The following TEN1 variants were observed in gnomAD, a reference collection of about 807,000 sequenced individuals.
The protein encoded by TEN1 is CST complex subunit TEN1.
A neutral mutation model predicts 9.3 loss-of-function variants in TEN1; 6 were observed. The ratio of observed to expected loss-of-function variants is 0.65; its 90% CI spans 0.35 to 1.27. The LOEUF (loss-of-function observed/expected upper bound fraction) is 1.27. Among genes scored for constraint, TEN1 ranks in the 50% most tolerant of loss-of-function variants. The pLI is 0.03. For missense variants in TEN1, 149 were observed against 158.2 expected (o/e 0.94, Z 0.31); for synonymous variants, 65 against 65.6 (o/e 0.99, Z 0.04).
chr17:75,992,240 A>AATTTTTT (rs2066190546), intron 3 of TEN1, among the ~76,000 whole-genome samples: 1 of 140,562 alleles, frequency 7.1e-6, no homozygotes. Flanking sequence ...TTTTTTTTTT[A>AATTTTTT]GTTTTTTTGA....
chr17:75,994,348 C>T (rs995501215), intron 3 of TEN1, among the ~76,000 whole-genome samples: 6 of 150,232 alleles, frequency 4.0e-5, no homozygotes, highest in African/African-American at 7.3e-5. Context: ...GCAGGAGAAT[C>T]GCTTGAACCC....
Position 75,994,100 on chromosome 17 carries a change from T to C in TEN1, c.250+2477T>C, listed in dbSNP as rs770977447. Among the ~76,000 whole-genome samples, 163 of 152,060 alleles carry C rather than the reference T, an allele frequency of 1.1e-3. 2 individuals are homozygous for C. The highest frequency in any genetic ancestry group is 6.3e-4 in the Non-Finnish European group (43 of 67,978). Reference sequence around the variant, plus strand: ...GGCACTGGCTAGTTTAGTACTCTTATAATTTGCATCACAACCTGTTTTTTG... The same window carrying C: ...GGCACTGGCTAGTTTAGTACTCTTACAATTTGCATCACAACCTGTTTTTTG... On this transcript the variant is annotated intron_variant, in intron 3 of 3. Coordinates refer to ENST00000397640, the MANE Select transcript of TEN1 (RefSeq NM_001113324.3).
chr17:75,990,869 A>C (rs1041643836), intron 2 of TEN1, among the ~76,000 whole-genome samples: 13 of 150,620 alleles, frequency 8.6e-5, no homozygotes, highest in African/African-American at 2.2e-4. Flanking sequence ...GAAAAAAATG[A>C]TCAGGTGTGG....
chr17:75,985,018 T>A (rs1422005278), intron 1 of TEN1: 2 of 151,934 alleles, frequency 1.3e-5, no homozygotes, highest in Non-Finnish European at 2.9e-5. Flanking sequence ...CCAAGGTGGG[T>A]AGATCATCTG....
At chr17:75,988,780 GT>G (rs1009843211) in intron 2 of TEN1, among the ~76,000 whole-genome samples, 3 of 149,584 alleles carry the variant, frequency 2.0e-5, no homozygotes, top group East Asian at 3.9e-4. Context: ...CAAGTCTTTT[GT>G]TTTTTTTTGA....
Position 76,000,380 on chromosome 17 carries a change from CG to C in TEN1, c.*119del, listed in dbSNP as rs2066247631. 7.2e-7 allele frequency: 1 copy of C among 1,386,616 alleles called. No homozygotes were observed. Among genetic ancestry groups the C allele is most frequent in the Non-Finnish European group, 9.5e-7 (1 of 1,049,712 alleles). The allele number at this position is 1,386,616 out of a possible 1,614,324, so 85.9% of individuals were successfully genotyped here. On this transcript the variant is annotated 3_prime_UTR_variant, in exon 4 of 4. Coordinates refer to ENST00000397640, the MANE Select transcript of TEN1 (RefSeq NM_001113324.3). This position sits in a 1 kb window ranked among gnomAD's most constrained non-coding sequence, Gnocchi z 5.9. ...ACGGCCTTGTCTGGAGCTCGAAAGCCGAGGGGCGGGTGATGAATCCAGCCCC... is the reference window on the plus strand; with the variant it reads ...ACGGCCTTGTCTGGAGCTCGAAAGCCAGGGGCGGGTGATGAATCCAGCCCC...
intron 3 of TEN1, among the ~76,000 whole-genome samples, chr17:75,999,436 G>C (rs779151930): frequency 1.4e-4 from 21 of 151,984 alleles, no homozygotes; most frequent in Non-Finnish European, 2.2e-4. Flanking sequence ...TCCACCTCCT[G>C]GGTTCAAGCA....
chr17:75,998,000 C>T (rs1358050004), intron 3 of TEN1, among the ~76,000 whole-genome samples: 4 of 151,456 alleles, frequency 2.6e-5, no homozygotes, highest in African/African-American at 4.9e-5. Flanking sequence ...TACAGGTGCC[C>T]GCCACCACAC....
chr17:75,991,416 T>G (rs1006213800), intron 2 of TEN1, 50 bp from the exon 3 acceptor site: 21 of 1,539,486 alleles, frequency 1.4e-5, no homozygotes, highest in Non-Finnish European at 1.8e-5. Context: ...TTGAGCGTGG[T>G]GGTGATTCTA....
chr17:75,988,698 T>C (rs1223315110), intron 2 of TEN1, among the ~76,000 whole-genome samples: 1 of 152,064 alleles, frequency 6.6e-6, no homozygotes, highest in Non-Finnish European at 1.5e-5. Flanking sequence ...ATCTCAGACA[T>C]GTAGATCTAT....
At chr17:75,985,769 C>T (rs983445778) in intron 1 of TEN1, among the ~76,000 whole-genome samples, 1 of 152,024 alleles carries the variant, frequency 6.6e-6, no homozygotes, top group South Asian at 2.1e-4. Context: ...GGTGATCCGC[C>T]CGCCTCAGCC....
At chr17:75,989,858 C>T (rs2066174709) in intron 2 of TEN1, among the ~76,000 whole-genome samples, 1 of 151,946 alleles carries the variant, frequency 6.6e-6, no homozygotes, top group Non-Finnish European at 1.5e-5. Flanking sequence ...CTTGACCCCT[C>T]AGCCTCCCAA....
intron 3 of TEN1, among the ~76,000 whole-genome samples, chr17:75,996,551 A>G: frequency 6.6e-6 from 1 of 151,702 alleles, no homozygotes; most frequent in East Asian, 1.9e-4. Context: ...CAAAAAATGC[A>G]AAAATTAGCA....
rs1182442464 is a variant in TEN1, at chr17:75,979,780, C to T, written c.-7+269C>T. Reference sequence around the variant, plus strand: ...GAACCAGTCTCTTTGGGGAGAGGCTCCAGTTACCTTTTGTTAAGATAATGG... The same window carrying T: ...GAACCAGTCTCTTTGGGGAGAGGCTTCAGTTACCTTTTGTTAAGATAATGG... On this transcript the variant is annotated intron_variant, in intron 1 of 3. Transcript: ENST00000397640. Among the ~76,000 whole-genome samples the T allele has an allele frequency of 2.0e-5, 3 of 151,780 alleles. No individual in the cohort carries two copies. The East Asian group carries it at 5.8e-4, about 29-fold the overall frequency.
chr17:75,983,290 A>G (rs1215070254), intron 1 of TEN1, among the ~76,000 whole-genome samples: 2 of 152,106 alleles, frequency 1.3e-5, no homozygotes, highest in Non-Finnish European at 2.9e-5. Flanking sequence ...CAAAAAAGAA[A>G]GAAAGAAAGA....
intron 2 of TEN1, among the ~76,000 whole-genome samples, chr17:75,987,425 C>G (rs2066158474): frequency 6.6e-6 from 1 of 152,134 alleles, no homozygotes; most frequent in Non-Finnish European, 1.5e-5. Flanking sequence ...AAGCAGTGAC[C>G]AAGAGAAAGA....
In TEN1 at chr17:75,991,632, C is replaced by T. The variant is rs753731514; in HGVS notation, c.250+9C>T. 287 of 1,550,252 alleles carry T rather than the reference C, an allele frequency of 1.9e-4. No individual in the cohort carries two copies. The highest frequency in any genetic ancestry group is 2.4e-4 in the Non-Finnish European group (273 of 1,146,366). ...GCTCCAGCATCAGCAGGGTGAGCTG[C>T]AGCCTCAGATCCCCTTTCTCATCCT... On this transcript the variant is annotated intron_variant, in intron 3 of 3. Transcript: ENST00000397640.
chr17:76,000,438 GA>G lies in TEN1; in HGVS notation c.*178del. 1 of 980,358 alleles carries G rather than the reference GA, an allele frequency of 1.0e-6. No homozygotes were observed. The highest frequency in any genetic ancestry group is 1.4e-6 in the Non-Finnish European group (1 of 692,450). The allele number at this position is 980,358 out of a possible 1,614,324, so 60.7% of individuals were successfully genotyped here. ...TACTTTGGGATTGGCTCAGCAATGAGAACCCAGAAAGCATGCCATAAATCCG... is the reference window on the plus strand; with the variant it reads ...TACTTTGGGATTGGCTCAGCAATGAGACCCAGAAAGCATGCCATAAATCCG... On this transcript the variant is annotated 3_prime_UTR_variant, in exon 4 of 4. Coordinates refer to ENST00000397640, the MANE Select transcript of TEN1 (RefSeq NM_001113324.3). This position sits in a 1 kb window ranked among gnomAD's most constrained non-coding sequence, Gnocchi z 5.9.
Position 75,979,472 on chromosome 17 carries a change from C to A in TEN1, c.-46C>A, listed in dbSNP as rs2066096933. ...TCCCCCGTCACGTGACCACGCGAGG[C>A]GGAAAGAAGAAATCCGAGGACCGGC... On this transcript the variant is annotated 5_prime_UTR_variant, in exon 1 of 4. Transcript: ENST00000397640. The A allele has an allele frequency of 8.9e-6, 3 of 338,854 alleles. No individual in the cohort carries two copies. The highest frequency in any genetic ancestry group is 7.1e-5 in the South Asian group (3 of 42,120). The allele number at this position is 338,854 out of a possible 1,614,324, so 21.0% of individuals were successfully genotyped here.
Sources: gnomAD v4.1 joint callset for allele counts (sites outside exome capture counted in the v4.1 genomes callset) on GRCh38, gnomAD v4.1.1 for gene constraint, Gnocchi (gnomAD v3.1) non-coding constraint, MANE v1.5 for transcripts, NCBI Gene and HGNC (gene_info 2026-07-23, HGNC 2026-07-21) for gene names.